The following SNTG1 variants were observed in gnomAD, a reference collection of about 807,000 sequenced individuals.
The protein encoded by SNTG1 is syntrophin gamma 1, also known as gamma-1-syntrophin.
In SNTG1, 39 loss-of-function variants were observed where a neutral mutation model predicts 74.7. That is an observed-to-expected ratio of 0.52 (90% CI 0.40 to 0.68). The LOEUF (loss-of-function observed/expected upper bound fraction) is 0.68. Among genes scored for constraint, SNTG1 ranks in the 30% least tolerant of loss-of-function variants. The probability of loss-of-function intolerance (pLI) is 0.00; values close to 1 mark genes in which losing one functional copy is unlikely to be tolerated. For synonymous variants in SNTG1, 254 were observed against 217.1 expected, an observed-to-expected ratio of 1.17 and a Z score of -1.49; for missense variants, 685 against 609.5, an observed-to-expected ratio of 1.12 and a Z score of -1.30.
rs556185555 is a variant in SNTG1 at position 49,962,028 on chromosome 8, C to T, written c.-103+49797C>T. Among the ~76,000 whole-genome samples the T allele has an allele frequency of 1.2e-4, 19 of 152,268 alleles. No individual in the cohort carries two copies. In the South Asian group the frequency reaches 3.3e-3, roughly 27 times the overall value. ...GCCGGACAAACATTCTCCAGCTTCC[C>T]CTCTGCTCCCAGGGCCTCCCTGGGG... On this transcript the variant is annotated intron_variant, in intron 1 of 18. Transcript: ENST00000642720.
At chr8:50,453,425 A>G (rs1392291585) in intron 8 of SNTG1, among the ~76,000 whole-genome samples, 1 of 152,198 alleles carries the variant, frequency 6.6e-6, no homozygotes, top group Non-Finnish European at 1.5e-5. Flanking sequence ...GTTAAGGAAG[A>G]GAAGCTCACA....
At chr8:50,087,247 C>A (rs1212661795) in intron 1 of SNTG1, among the ~76,000 whole-genome samples, 3 of 152,136 alleles carry the variant, frequency 2.0e-5, no homozygotes, top group Admixed American at 1.3e-4. Flanking sequence ...TAAGGTCTCT[C>A]AGTTGTAATG....
intron 9 of SNTG1, among the ~76,000 whole-genome samples, chr8:50,512,725 G>T (rs1281367906): frequency 2.6e-5 from 4 of 152,138 alleles, no homozygotes; most frequent in African/African-American, 4.8e-5. Context: ...TGAGGCTTGT[G>T]CATTCATCAT....
intron 13 of SNTG1, among the ~76,000 whole-genome samples, chr8:50,613,609 T>C (rs547653989): frequency 1.2e-4 from 19 of 152,286 alleles, no homozygotes; most frequent in African/African-American, 3.6e-4. Context: ...TCTGCTTATG[T>C]TTATAAAAAC....
intron 2 of SNTG1, among the ~76,000 whole-genome samples, chr8:50,208,357 G>A (rs2084345089): frequency 2.6e-5 from 4 of 152,092 alleles, no homozygotes; most frequent in Admixed American, 2.0e-4. Context: ...TTTAAAGTCT[G>A]TTTTATCAGA....
At chr8:50,075,532 T>C (rs975533002) in intron 1 of SNTG1, among the ~76,000 whole-genome samples, 1 of 152,148 alleles carries the variant, frequency 6.6e-6, no homozygotes, top group Non-Finnish European at 1.5e-5. Flanking sequence ...ATCAGCTTTC[T>C]GTAAAATGGA....
intron 18 of SNTG1, among the ~76,000 whole-genome samples, chr8:50,764,556 A>G (rs1410410849): frequency 6.6e-6 from 1 of 151,948 alleles, no homozygotes; most frequent in Non-Finnish European, 1.5e-5. Context: ...AATCATTAGG[A>G]AAATTAGAAA....
At position 50,001,798 on chromosome 8, in the gene SNTG1, G is replaced by A. The variant is rs545510991; in HGVS notation, c.-103+89567G>A. ...CATAGCTTGTTCAAGGTTAAACAGC[G>A]AGTTTGCAGCAAAACTTATGGTTTG... On this transcript the variant is annotated intron_variant, in intron 1 of 18. Transcript: ENST00000642720. Among the ~76,000 whole-genome samples, 307 of 152,248 alleles carry A rather than the reference G, an allele frequency of 2.0e-3. 2 individuals are homozygous for A. Among genetic ancestry groups the A allele is most frequent in the Middle Eastern group, 0.017 (5 of 294 alleles).
intron 1 of SNTG1, among the ~76,000 whole-genome samples, chr8:50,162,974 G>A (rs1042427341): frequency 9.2e-5 from 14 of 152,164 alleles, no homozygotes; most frequent in Admixed American, 6.6e-4. Context: ...ATGGCTCAGG[G>A]CAAACAGAAG....
rs936925629 is a variant in SNTG1, at chr8:49,911,964, C to T, written c.-370C>T. 8.5e-5 allele frequency: 13 copies of T among 152,248 alleles called. No individual in the cohort carries two copies. The highest frequency in any genetic ancestry group is 3.1e-4 in the African/African-American group (13 of 41,454). The allele number at this position is 152,248 out of a possible 1,614,324, so 9.4% of individuals were successfully genotyped here. ...ACTCTTGCTCCACAGATTAAACTCT[C>T]AGCAGCAACTTCAAGAATCATTTTT... On this transcript the variant is annotated 5_prime_UTR_variant, in exon 1 of 19. Transcript: ENST00000642720.
chr8:50,084,649 T>C (rs1471926220), intron 1 of SNTG1, among the ~76,000 whole-genome samples: 1 of 152,198 alleles, frequency 6.6e-6, no homozygotes, highest in Non-Finnish European at 1.5e-5. Context: ...CATTGCAATA[T>C]GTTACATGTG....
chr8:50,697,412 T>C (rs2095408967), intron 15 of SNTG1, among the ~76,000 whole-genome samples: 1 of 152,186 alleles, frequency 6.6e-6, no homozygotes, highest in Non-Finnish European at 1.5e-5. Flanking sequence ...TGTGGATGAC[T>C]TTGGTTTATT....
chr8:50,381,197 A>G (rs1000390948), intron 2 of SNTG1: 1 of 152,166 alleles, frequency 6.6e-6, no homozygotes, highest in Non-Finnish European at 1.5e-5. Context: ...GAAATTTTAA[A>G]AATTATTTTC....
At chr8:50,095,367 G>A (rs1203099180) in intron 1 of SNTG1, among the ~76,000 whole-genome samples, 1 of 152,178 alleles carries the variant, frequency 6.6e-6, no homozygotes, top group Non-Finnish European at 1.5e-5. Flanking sequence ...CCTTTCTGTG[G>A]ATGTGATCTC....
intron 8 of SNTG1, among the ~76,000 whole-genome samples, chr8:50,460,911 CT>C (rs1273955878): frequency 2.0e-5 from 3 of 151,968 alleles, no homozygotes; most frequent in Non-Finnish European, 4.4e-5. Flanking sequence ...ATATTAATAT[CT>C]TTTGATATTA....
At chr8:50,269,894 T>C (rs1389140042) in intron 2 of SNTG1, among the ~76,000 whole-genome samples, 1 of 152,170 alleles carries the variant, frequency 6.6e-6, no homozygotes, top group Non-Finnish European at 1.5e-5. Context: ...TAGCAATGCT[T>C]TTTGGAAAAG....
intron 15 of SNTG1, among the ~76,000 whole-genome samples, chr8:50,677,725 C>T (rs1252918772): frequency 6.6e-6 from 1 of 151,870 alleles, no homozygotes; most frequent in East Asian, 1.9e-4. Context: ...ATGTCATCTC[C>T]TTCTGAAGCC....
At chr8:50,575,854 T>C (rs2094573938) in intron 12 of SNTG1, 5 of 152,240 alleles carry the variant, frequency 3.3e-5, no homozygotes, top group Admixed American at 1.3e-4. Context: ...TGTTCATTCA[T>C]ATCTTCTTCC....
In SNTG1 at chr8:50,390,419, T is replaced by C. The variant is rs900341351; in HGVS notation, c.-27-3793T>C. On this transcript the variant is annotated intron_variant, in intron 2 of 18. Coordinates refer to ENST00000642720, the MANE Select transcript of SNTG1 (RefSeq NM_018967.5). ...TTTCTGAGGGCTCTGTTCTGATCCATTGGTCTATATCTCTGTTTTGGTACC... is the reference window on the plus strand; with the variant it reads ...TTTCTGAGGGCTCTGTTCTGATCCACTGGTCTATATCTCTGTTTTGGTACC... Among the ~76,000 whole-genome samples the C allele has an allele frequency of 9.8e-5, 15 of 152,326 alleles. 1 individual carries two copies. In the South Asian group the frequency reaches 3.1e-3, roughly 32 times the overall value.
Sources: allele counts gnomAD v4.1 joint callset (sites outside exome capture counted in the v4.1 genomes callset), GRCh38; gene constraint gnomAD v4.1.1; transcripts MANE v1.5; gene names NCBI Gene and HGNC (gene_info 2026-07-23, HGNC 2026-07-21).